Variants in ENKUR observed in about 807,000 individuals in gnomAD.
ENKUR encodes enkurin, TRPC channel interacting protein.
In ENKUR, 19 loss-of-function variants were observed where a neutral mutation model predicts 27.6. That is an observed-to-expected ratio of 0.69 (90% confidence interval 0.48 to 1.01). ENKUR has a LOEUF of 1.01. Ranked by LOEUF, ENKUR falls within the 50% of genes least tolerant of loss-of-function variation. The pLI, the probability that ENKUR is intolerant of heterozygous loss-of-function variation, is 0.00. For missense variants in ENKUR, 312 were observed against 310.5 expected (o/e 1.00, Z -0.04); for synonymous variants, 117 against 96.9 (o/e 1.21, Z -1.22).
chr10:24,987,061 T>C (rs1849796867), intron 4 of ENKUR, among the ~76,000 whole-genome samples: 1 of 152,232 alleles, frequency 6.6e-6, no homozygotes, highest in South Asian at 2.1e-4. Context: ...TTTCGCCCTC[T>C]GGCCTGAGTT....
intron 2 of ENKUR, among the ~76,000 whole-genome samples, chr10:24,996,390 C>T (rs1294688651): frequency 3.9e-5 from 6 of 151,978 alleles, no homozygotes; most frequent in Admixed American, 2.0e-4. Flanking sequence ...CCATTGTACT[C>T]CAGCCTGGGT....
At chr10:25,036,631 G>C (rs151177193) in intron 2 of ENKUR, among the ~76,000 whole-genome samples, 53 of 152,328 alleles carry the variant, frequency 3.5e-4, no homozygotes, top group African/African-American at 1.3e-3. Context: ...CTGACTTCAA[G>C]CTTGCACACC....
intron 2 of ENKUR, among the ~76,000 whole-genome samples, chr10:25,042,442 C>T (rs1207476476): frequency 6.6e-6 from 1 of 151,894 alleles, no homozygotes; most frequent in African/African-American, 2.4e-5. Context: ...TTACAGGCAC[C>T]CACCACCACA....
chr10:25,039,612 CTT>C (rs1405244689), intron 2 of ENKUR, among the ~76,000 whole-genome samples: 9 of 152,116 alleles, frequency 5.9e-5, no homozygotes, highest in African/African-American at 1.9e-4. Context: ...GTGGTCATTG[CTT>C]ATTCTGACAT....
At chr10:24,987,481 A>G (rs1369159810) in intron 4 of ENKUR, among the ~76,000 whole-genome samples, 1 of 151,936 alleles carries the variant, frequency 6.6e-6, no homozygotes, top group Non-Finnish European at 1.5e-5. Flanking sequence ...TAAAAATAAA[A>G]AAATGAAATA....
At chr10:25,039,300 C>G (rs1489618261) in intron 2 of ENKUR, among the ~76,000 whole-genome samples, 1 of 152,118 alleles carries the variant, frequency 6.6e-6, no homozygotes, top group Non-Finnish European at 1.5e-5. Context: ...GATTGCTGGG[C>G]CAGGCACAGT....
chr10:25,021,815 G>GTT (rs1850724757), intron 2 of ENKUR: 1 of 152,132 alleles, frequency 6.6e-6, no homozygotes, highest in Non-Finnish European at 1.5e-5. Flanking sequence ...TGTGTCCTAT[G>GTT]TTTACAAGTC....
intron 2 of ENKUR, among the ~76,000 whole-genome samples, chr10:25,044,293 A>G (rs992354916): frequency 5.9e-5 from 9 of 152,192 alleles, no homozygotes; most frequent in African/African-American, 2.2e-4. Context: ...TTATTAGGGT[A>G]GGTATATTTC....
At chr10:25,010,444 T>C (rs1236525004) in intron 1 of ENKUR, among the ~76,000 whole-genome samples, 1 of 152,196 alleles carries the variant, frequency 6.6e-6, no homozygotes, top group African/African-American at 2.4e-5. Flanking sequence ...AACTCATTTT[T>C]TTTATTATTA....
intron 2 of ENKUR, among the ~76,000 whole-genome samples, chr10:24,998,597 C>T (rs2132693750): frequency 6.6e-6 from 1 of 151,784 alleles, no homozygotes; most frequent in Admixed American, 6.6e-5. Flanking sequence ...TGCCCAGGTG[C>T]TCTCTTTTCT....
At chr10:25,060,260 C>T (rs57639701) in intron 2 of ENKUR, among the ~76,000 whole-genome samples, 4,167 of 152,192 alleles carry the variant, frequency 0.027, 123 homozygotes, top group African/African-American at 0.074. Context: ...GGGCGCCAGG[C>T]TCCTGGGTAA....
intron 2 of ENKUR, among the ~76,000 whole-genome samples, chr10:25,052,318 G>A (rs1471902852): frequency 6.6e-6 from 1 of 152,220 alleles, no homozygotes; most frequent in African/African-American, 2.4e-5. Flanking sequence ...ATCATGATAA[G>A]AGGTGGCCTT....
intron 3 of ENKUR, among the ~76,000 whole-genome samples, chr10:24,995,143 A>C (rs1554769415): frequency 6.6e-6 from 1 of 152,208 alleles, no homozygotes; most frequent in Non-Finnish European, 1.5e-5. Flanking sequence ...ACCCAAAACC[A>C]AAACCAAATA....
chr10:25,035,069 AT>A (rs1340481277), intron 2 of ENKUR, among the ~76,000 whole-genome samples: 3 of 152,222 alleles, frequency 2.0e-5, no homozygotes, highest in Non-Finnish European at 2.9e-5. Flanking sequence ...AAGAAAAAAA[AT>A]ATAGGAGCTT....
rs566121529 is a variant in ENKUR at position 24,983,934 on chromosome 10, A to C, written c.*436T>G. ...AAACTTATTGCTTAATAGATTATGTAATCTTACAAATGTAACTTTAGAATT... is the reference window on the plus strand; with the variant it reads ...AAACTTATTGCTTAATAGATTATGTCATCTTACAAATGTAACTTTAGAATT... On this transcript the variant is annotated 3_prime_UTR_variant, in exon 6 of 6. Coordinates refer to ENST00000331161, the MANE Select transcript of ENKUR (RefSeq NM_145010.4). 1 of 155,588 alleles carries C rather than the reference A, an allele frequency of 6.4e-6. No homozygotes were observed. The highest frequency in any genetic ancestry group is 1.9e-4 in the East Asian group (1 of 5,350). The allele number at this position is 155,588 out of a possible 1,614,324, so 9.6% of individuals were successfully genotyped here.
chr10:25,017,760 T>A (rs1036894262), upstream of ENKUR, among the ~76,000 whole-genome samples: 1 of 152,126 alleles, frequency 6.6e-6, no homozygotes, highest in Non-Finnish European at 1.5e-5. Flanking sequence ...TAGATCTAGA[T>A]CCAAATCTAT....
intron 2 of ENKUR, among the ~76,000 whole-genome samples, chr10:25,055,151 C>G (rs537189762): frequency 6.6e-6 from 1 of 152,142 alleles, no homozygotes; most frequent in East Asian, 1.9e-4. Flanking sequence ...CATTTCCCCC[C>G]ACTAAAATCA....
chr10:25,046,374 T>G (rs1851122443), intron 2 of ENKUR, among the ~76,000 whole-genome samples: 1 of 152,224 alleles, frequency 6.6e-6, no homozygotes, highest in African/African-American at 2.4e-5. Flanking sequence ...TCAGAACTAT[T>G]GCCTTCATTT....
At chr10:25,038,793 T>C (rs977170111) in intron 2 of ENKUR, among the ~76,000 whole-genome samples, 1 of 152,238 alleles carries the variant, frequency 6.6e-6, no homozygotes, top group Non-Finnish European at 1.5e-5. Context: ...TTTAAATGCA[T>C]ACTATGTTTT....
Sources: allele counts gnomAD v4.1 joint callset (sites outside exome capture counted in the v4.1 genomes callset), GRCh38; gene constraint gnomAD v4.1.1; transcripts MANE v1.5; gene names NCBI Gene and HGNC (gene_info 2026-07-23, HGNC 2026-07-21).